Variants in XDH observed in about 807,000 individuals in gnomAD.
XDH encodes the protein xanthine dehydrogenase/oxidase.
Under a neutral mutation model 156.1 loss-of-function variants are expected in XDH, and 138 were observed. That is an observed-to-expected ratio of 0.88 (90% CI 0.77 to 1.02). The LOEUF is 1.02. XDH is among the 50% of genes least tolerant of loss of function. The pLI is 0.00. For synonymous variants in XDH, 669 were observed against 625.7 expected (o/e 1.07, Z -1.03); for missense variants, 1,849 against 1,684.9 (o/e 1.10, Z -1.71).
chr2:31,347,916 C>A (rs759581554), intron 28 of XDH, among the ~76,000 whole-genome samples: 32 of 152,210 alleles, frequency 2.1e-4, no homozygotes, highest in Non-Finnish European at 4.3e-4. Context: ...TGGCCAGTCT[C>A]CATGCGCCAA....
chr2:31,381,531 G>A, intron 12 of XDH, 102 bp downstream of exon 12: 1 of 1,162,338 alleles, frequency 8.6e-7, no homozygotes, highest in Admixed American at 1.9e-5. Context: ...GGGAAAGCTG[G>A]GTCACTGAAC....
At chr2:31,355,214 A>C (rs1271401482) in intron 24 of XDH, among the ~76,000 whole-genome samples, 1 of 152,192 alleles carries the variant, frequency 6.6e-6, no homozygotes, top group Non-Finnish European at 1.5e-5. Flanking sequence ...AAAAAAATCA[A>C]GACATTCTCA....
At position 31,335,554 on chromosome 2, in the gene XDH, G is replaced by C. The variant is rs759403236; in HGVS notation, c.*404C>G. On this transcript the variant is annotated 3_prime_UTR_variant, in exon 36 of 36. Transcript: ENST00000379416. Reference sequence around the variant, plus strand: ...GCCAGGCTTTCACAGGAAGGCACACGATTTAAAGTAACTTCGGTTTAAGCT... The same window carrying C: ...GCCAGGCTTTCACAGGAAGGCACACCATTTAAAGTAACTTCGGTTTAAGCT... 1 of 294,522 alleles carries C rather than the reference G, an allele frequency of 3.4e-6. No individual in the cohort carries two copies. Among genetic ancestry groups the C allele is most frequent in the Non-Finnish European group, 6.6e-6 (1 of 152,478 alleles). 18.2% of individuals were successfully genotyped at this position (294,522 alleles called of 1,614,324 possible).
At chr2:31,413,295 G>T (rs45596638) in intron 1 of XDH, among the ~76,000 whole-genome samples, 1 of 152,204 alleles carries the variant, frequency 6.6e-6, no homozygotes, top group Non-Finnish European at 1.5e-5. Flanking sequence ...CAATGTAATT[G>T]CTGAAGGAAA....
In XDH at chr2:31,366,885, G is replaced by A; in HGVS notation, c.2307C>T (p.Asn769=). 1 of 1,614,194 alleles carries A rather than the reference G, an allele frequency of 6.2e-7. No individual in the cohort carries two copies. Among genetic ancestry groups the A allele is most frequent in the Non-Finnish European group, 8.5e-7 (1 of 1,180,038 alleles). Residue 769 remains asparagine (N), a synonymous_variant, in exon 21 of 36, where the codon AAC becomes AAT. Transcript: ENST00000379416. ...AGGCATCTACCTGGGTCTTCATGGT[G>A]TTCTGTGTAGACACAAAGAGCTCCA... The part of the protein sequence containing the change: ...GEMELFVSTQ[N]TMKTQSFVAK...
chr2:31,366,784 T>C, intron 21 of XDH, 86 bp downstream of exon 21: 1 of 1,607,028 alleles, frequency 6.2e-7, no homozygotes, highest in African/African-American at 1.3e-5. Flanking sequence ...CATCTCCCTC[T>C]TCCTATTTCC....
chr2:31,346,014 T>C (rs982541789), intron 30 of XDH, among the ~76,000 whole-genome samples: 7 of 152,154 alleles, frequency 4.6e-5, no homozygotes, highest in Non-Finnish European at 1.0e-4. Flanking sequence ...CTGAGAAAAA[T>C]GGCATGTTTT....
At chr2:31,343,543 T>C (rs1408455935) in intron 31 of XDH, among the ~76,000 whole-genome samples, 3 of 144,092 alleles carry the variant, frequency 2.1e-5, no homozygotes, top group Admixed American at 1.4e-4. Context: ...ATAAGGCATA[T>C]ATATATGCCT....
At chr2:31,401,097 C>A in intron 4 of XDH, 123 bp downstream of exon 4, 2 of 1,119,078 alleles carry the variant, frequency 1.8e-6, no homozygotes, top group Non-Finnish European at 2.6e-6. Context: ...GGTGAAATGC[C>A]TTCTTAGATT....
intron 30 of XDH, among the ~76,000 whole-genome samples, chr2:31,344,993 G>A (rs964114288): frequency 2.6e-5 from 4 of 152,094 alleles, no homozygotes; most frequent in Admixed American, 1.3e-4. Flanking sequence ...AGCCAGAGTG[G>A]CCATCTTAAC....
intron 12 of XDH, among the ~76,000 whole-genome samples, chr2:31,381,174 T>A (rs1686428545): frequency 6.6e-6 from 1 of 152,028 alleles, no homozygotes; most frequent in South Asian, 2.1e-4. Flanking sequence ...TTTAGTGTTT[T>A]TAGTAGACAT....
At position 31,339,496 on chromosome 2, in the gene XDH, G is replaced by A. The variant is rs1342972085; in HGVS notation, c.3767C>T (p.Ala1256Val). The A allele has an allele frequency of 6.2e-7, 1 of 1,614,114 alleles. No individual in the cohort carries two copies. Among genetic ancestry groups the A allele is most frequent in the Non-Finnish European group, 8.5e-7 (1 of 1,180,032 alleles). ...RDCPNKKAIY[A>V]SKAVGEPPLF... ...GAGCCAGAGCAATGGTACCTTCGAT[G>A]CATAGATGGCCTTCTTGTTGGGGCA... Residue 1256 changes from alanine (A) to valine (V), a missense_variant, in exon 34 of 36, where the codon GCA becomes GTA. Coordinates refer to ENST00000379416, the MANE Select transcript of XDH (RefSeq NM_000379.4).
At chr2:31,350,549 T>C (rs1685444691) in intron 24 of XDH, among the ~76,000 whole-genome samples, 1 of 151,952 alleles carries the variant, frequency 6.6e-6, no homozygotes, top group Admixed American at 6.6e-5. Context: ...CTAATTTTTG[T>C]ATTTTTAGTA....
chr2:31,400,719 T>C (rs1687034445), intron 4 of XDH, among the ~76,000 whole-genome samples: 1 of 152,266 alleles, frequency 6.6e-6, no homozygotes, highest in Non-Finnish European at 1.5e-5. Flanking sequence ...TAGCACTTGC[T>C]AACCTCCAGT....
chr2:31,339,364 A>C, intron 34 of XDH, 125 bp downstream of exon 34: 3 of 1,341,406 alleles, frequency 2.2e-6, no homozygotes, highest in Non-Finnish European at 3.2e-6. Context: ...GTGTCAAACC[A>C]TCTTCCCTCC....
At chr2:31,349,625 C>A in intron 26 of XDH, 61 bp downstream of exon 26, 2 of 1,611,222 alleles carry the variant, frequency 1.2e-6, no homozygotes, top group South Asian at 1.1e-5. Context: ...ATGGGGTCAG[C>A]AGAAAGGCTG....
chr2:31,342,002 CTGTA>C (rs1685135691), intron 32 of XDH, among the ~76,000 whole-genome samples, 177 bp downstream of exon 32: 1 of 152,158 alleles, frequency 6.6e-6, no homozygotes. Context: ...GAGGCAGAGA[CTGTA>C]TGGCCCACGA....
intron 29 of XDH, 102 bp from the exon 30 acceptor site, chr2:31,346,945 G>A (rs924783789): frequency 2.7e-6 from 4 of 1,483,350 alleles, no homozygotes; most frequent in Admixed American, 1.7e-5. Flanking sequence ...AAGCAATGCT[G>A]TACCCAGGGT....
At chr2:31,374,538 A>C (rs75560751) in intron 15 of XDH, among the ~76,000 whole-genome samples, 1 of 152,308 alleles carries the variant, frequency 6.6e-6, no homozygotes, top group South Asian at 2.1e-4. Context: ...TAAATGCAGG[A>C]AAAAAAATCA....
Sources: allele counts gnomAD v4.1 joint callset (sites outside exome capture counted in the v4.1 genomes callset), GRCh38; gene constraint gnomAD v4.1.1; transcripts MANE v1.5; gene names NCBI Gene and HGNC (gene_info 2026-07-23, HGNC 2026-07-21).